TTC17: variants seen among roughly 807,000 people sequenced by gnomAD.
TTC17 encodes the protein tetratricopeptide repeat domain 17, also known as tetratricopeptide repeat protein 17.
TTC17 carries 58 observed loss-of-function variants against 143.8 expected under a neutral mutation model. That is an observed-to-expected ratio of 0.40 (90% confidence interval 0.33 to 0.50). TTC17 has a LOEUF of 0.50. Ranked by LOEUF, TTC17 falls within the 20% of genes least tolerant of loss-of-function variation. The pLI is 0.49. For synonymous variants in TTC17, 501 were observed against 497.8 expected (o/e 1.01, Z -0.09); for missense variants, 1,273 against 1,392.5 (o/e 0.91, Z 1.37).
At chr11:43,383,661 G>T (rs1319264791) in intron 2 of TTC17, among the ~76,000 whole-genome samples, 1 of 152,100 alleles carries the variant, frequency 6.6e-6, no homozygotes. Context: ...GAGCCACCGT[G>T]CCCGGCCACA....
intron 21 of TTC17, among the ~76,000 whole-genome samples, chr11:43,470,575 A>G (rs1423325279): frequency 6.6e-6 from 1 of 152,204 alleles, no homozygotes; most frequent in Non-Finnish European, 1.5e-5. Context: ...ATTTTTTACC[A>G]TATGTTACCT....
At chr11:43,411,387 G>C (rs1279725677) in intron 15 of TTC17, among the ~76,000 whole-genome samples, 1 of 151,914 alleles carries the variant, frequency 6.6e-6, no homozygotes, top group African/African-American at 2.4e-5. Context: ...TTCTCAGTAA[G>C]TCCCTCTCAT....
At chr11:43,377,544 A>G (rs1856807960) in intron 1 of TTC17, among the ~76,000 whole-genome samples, 1 of 152,212 alleles carries the variant, frequency 6.6e-6, no homozygotes, top group Middle Eastern at 3.2e-3. Flanking sequence ...AGTCTTCTGC[A>G]GTCAACTTTT....
chr11:43,393,540 T>C (rs1565142025), intron 5 of TTC17, among the ~76,000 whole-genome samples: 1 of 152,166 alleles, frequency 6.6e-6, no homozygotes, highest in Admixed American at 6.5e-5. Flanking sequence ...GAGGTTTCAC[T>C]ATGTAAGCAT....
Position 43,414,668 on chromosome 11 carries a change from G to C in TTC17, c.2143G>C (p.Ala715Pro). 6.2e-7 allele frequency: 1 copy of C among 1,613,700 alleles called. No individual in the cohort carries two copies. Among genetic ancestry groups the C allele is most frequent in the Non-Finnish European group, 8.5e-7 (1 of 1,179,772 alleles). Residue 715 changes from alanine to proline, a missense_variant, in exon 16 of 24, where the codon GCC becomes CCC. Ala to Pro is a conservative substitution (Grantham distance 27). Transcript: ENST00000039989. ...ISGALEAFRQ[A>P]LKLTTKCPEC... ...TGGGGCACTTGAGGCCTTTAGACAGGCCTTGAAATTAACCACCAAATGTCC... is the reference window on the plus strand; with the variant it reads ...TGGGGCACTTGAGGCCTTTAGACAGCCCTTGAAATTAACCACCAAATGTCC...
intron 16 of TTC17, among the ~76,000 whole-genome samples, chr11:43,422,253 A>G (rs929377756): frequency 1.3e-5 from 2 of 152,212 alleles, no homozygotes; most frequent in Admixed American, 6.5e-5. Flanking sequence ...GTGCTATTTA[A>G]TGAGATACTC....
chr11:43,481,985 T>C (rs1482266914), intron 21 of TTC17, among the ~76,000 whole-genome samples: 1 of 152,036 alleles, frequency 6.6e-6, no homozygotes, highest in Non-Finnish European at 1.5e-5. Flanking sequence ...AATTTTTGTA[T>C]TTTTAGTAGA....
chr11:43,470,852 C>T (rs757235574), intron 21 of TTC17, among the ~76,000 whole-genome samples: 1 of 152,164 alleles, frequency 6.6e-6, no homozygotes, highest in South Asian at 2.1e-4. Context: ...GAGGACCCCA[C>T]GTTAAAACCA....
At chr11:43,370,775 A>ATAGTTAAAGAGAGGGGGCAGGTTTGTTTG (rs1856533874) in intron 1 of TTC17, among the ~76,000 whole-genome samples, 1 of 149,306 alleles carries the variant, frequency 6.7e-6, no homozygotes, top group Non-Finnish European at 1.5e-5. Context: ...AAACTGTCAG[A>ATAGTTAAAGAGAGGGGGCAGGTTTGTTTG]TAGTTAAAGA....
intron 16 of TTC17, among the ~76,000 whole-genome samples, chr11:43,427,840 T>TC (rs894505554): frequency 3.3e-5 from 5 of 151,674 alleles, no homozygotes; most frequent in African/African-American, 7.3e-5. Context: ...TTCCATACCC[T>TC]CCCCCCAACA....
intron 16 of TTC17, chr11:43,436,318 T>C (rs1465123984): frequency 7.7e-7 from 1 of 1,301,342 alleles, no homozygotes; most frequent in South Asian, 2.7e-5. Flanking sequence ...GGGACTCAGA[T>C]GCCCTTAGAC....
chr11:43,446,839 G>T (rs1210472769), intron 18 of TTC17: 1 of 222,102 alleles, frequency 4.5e-6, no homozygotes, highest in African/African-American at 2.3e-5. Flanking sequence ...CCCAAAAGGT[G>T]GTACTTACGA....
At chr11:43,441,144 G>A (rs940063002) in intron 16 of TTC17, among the ~76,000 whole-genome samples, 2 of 151,252 alleles carry the variant, frequency 1.3e-5, no homozygotes, top group Admixed American at 6.6e-5. Context: ...GGTGGCCTGC[G>A]CCTATAATCC....
chr11:43,389,644 C>A lies in TTC17; in HGVS notation c.250-8C>A. On this transcript the variant is annotated splice_polypyrimidine_tract_variant and splice_region_variant and intron_variant, in intron 2 of 23. Transcript: ENST00000039989. Reference sequence around the variant, plus strand: ...GAATCCATTCTGTTCTTACTTTCTTCTCAACAGAAACAATTAGTTGCTCAA... The same window carrying A: ...GAATCCATTCTGTTCTTACTTTCTTATCAACAGAAACAATTAGTTGCTCAA... 1 of 1,599,988 alleles carries A rather than the reference C, an allele frequency of 6.3e-7. No homozygotes were observed. The highest frequency in any genetic ancestry group is 8.5e-7 in the Non-Finnish European group (1 of 1,174,998).
At chr11:43,389,305 A>G (rs955205524) in intron 2 of TTC17, among the ~76,000 whole-genome samples, 2 of 152,198 alleles carry the variant, frequency 1.3e-5, no homozygotes, top group Non-Finnish European at 2.9e-5. Flanking sequence ...AACATGTACT[A>G]TGTCTTGAAG....
intron 21 of TTC17, among the ~76,000 whole-genome samples, chr11:43,471,929 A>C (rs1317640218): frequency 6.6e-6 from 1 of 152,264 alleles, no homozygotes; most frequent in Non-Finnish European, 1.5e-5. Flanking sequence ...TATATCAGTA[A>C]GCAGAATAAA....
At chr11:43,445,097 C>T (rs1947512937) in intron 18 of TTC17, among the ~76,000 whole-genome samples, 1 of 152,094 alleles carries the variant, frequency 6.6e-6, no homozygotes, top group Non-Finnish European at 1.5e-5. Context: ...CACATCTATG[C>T]TGCATAATAT....
chr11:43,486,547 C>T, intron 21 of TTC17: 1 of 294,696 alleles, frequency 3.4e-6, no homozygotes, highest in South Asian at 2.9e-5. Flanking sequence ...AGAGATAGAA[C>T]TATGTTTAAA....
At chr11:43,446,616 G>A (rs1947548535) in intron 18 of TTC17, 2 of 961,010 alleles carry the variant, frequency 2.1e-6, no homozygotes, top group Non-Finnish European at 2.5e-6. Context: ...TTCCAAAACT[G>A]TTCCTTTCTG....
Sources: gnomAD v4.1 joint callset for allele counts (sites outside exome capture counted in the v4.1 genomes callset) on GRCh38, gnomAD v4.1.1 for gene constraint, MANE v1.5 for transcripts, NCBI Gene and HGNC (gene_info 2026-07-23, HGNC 2026-07-21) for gene names.